Variants in PLEKHA8 observed in about 807,000 individuals in gnomAD.
The protein encoded by PLEKHA8 is pleckstrin homology domain-containing family A member 8.
In PLEKHA8, 36 loss-of-function variants were observed where a neutral mutation model predicts 68.2. The observed-to-expected ratio is 0.53, with a 90% confidence interval of 0.40 to 0.70. PLEKHA8 has a LOEUF of 0.70. Ranked by LOEUF, PLEKHA8 falls within the 30% of genes least tolerant of loss-of-function variation. The pLI, the probability that PLEKHA8 is intolerant of heterozygous loss-of-function variation, is 0.00. For synonymous variants in PLEKHA8, 211 were observed against 216.1 expected (o/e 0.98, Z 0.20); for missense variants, 505 against 615.4 (o/e 0.82, Z 1.90).
At chr7:30,109,741 G>A (rs1796207337) in intron 13 of PLEKHA8, among the ~76,000 whole-genome samples, 1 of 145,978 alleles carries the variant, frequency 6.9e-6, no homozygotes, top group South Asian at 2.1e-4. Flanking sequence ...GTACAATCAC[G>A]CCTCACTGCA....
chr7:30,087,092 A>G (rs1232196116), downstream of PLEKHA8, among the ~76,000 whole-genome samples: 3 of 152,214 alleles, frequency 2.0e-5, no homozygotes, highest in Non-Finnish European at 2.9e-5. Flanking sequence ...GGCCAGTTTT[A>G]GGACCTTTTG....
intron 1 of PLEKHA8, among the ~76,000 whole-genome samples, chr7:30,042,486 A>G (rs961646523): frequency 6.6e-6 from 1 of 152,214 alleles, no homozygotes; most frequent in Non-Finnish European, 1.5e-5. Context: ...ACCAACCAGC[A>G]TCATGGGAGT....
chr7:30,097,499 C>A (rs1206513909), intron 13 of PLEKHA8, among the ~76,000 whole-genome samples: 2 of 152,164 alleles, frequency 1.3e-5, no homozygotes, highest in Non-Finnish European at 2.9e-5. Context: ...TACATAGTCC[C>A]ATATTTCTTG....
At chr7:30,033,417 G>A (rs1790811072) in intron 1 of PLEKHA8, among the ~76,000 whole-genome samples, 1 of 152,094 alleles carries the variant, frequency 6.6e-6, no homozygotes, top group South Asian at 2.1e-4. Context: ...GTGGCTGGCT[G>A]CTTTCCCGTA....
chr7:30,110,390 T>C (rs1392457936), intron 13 of PLEKHA8, among the ~76,000 whole-genome samples: 1 of 152,240 alleles, frequency 6.6e-6, no homozygotes, highest in Non-Finnish European at 1.5e-5. Context: ...ATTGTATAGG[T>C]ATATGGTGTT....
Position 30,055,303 on chromosome 7 carries a change from G to T in PLEKHA8, c.1000G>T (p.Ala334Ser), listed in dbSNP as rs780210136. 3 of 1,614,028 alleles carry T rather than the reference G, an allele frequency of 1.9e-6. No individual in the cohort carries two copies. The Admixed American group carries it at 5.0e-5, about 27-fold the overall frequency. ...LLEDSGIPTE[A>S]FLASCYAVVP... The stretch of plus-strand genomic sequence containing the variant: ...GGAAGACAGTGGCATTCCCACAGAA[G>T]CATTCTTGGCATCATGTTATGCTGT... The change falls in exon 9 of 14, where the codon GCA (alanine) becomes TCA (serine). Residue 334 changes from alanine to serine, a missense_variant. Ala to Ser is a moderately conservative substitution (Grantham distance 99). Transcript: ENST00000449726.
intron 12 of PLEKHA8, chr7:30,072,069 G>T (rs527530907): frequency 6.6e-6 from 1 of 152,286 alleles, no homozygotes; most frequent in African/African-American, 2.4e-5. Flanking sequence ...GTTTTGTTTG[G>T]TTTACATTGA....
At chr7:30,047,095 G>C (rs745616222) in intron 3 of PLEKHA8, among the ~76,000 whole-genome samples, 1 of 152,174 alleles carries the variant, frequency 6.6e-6, no homozygotes, top group Non-Finnish European at 1.5e-5. Flanking sequence ...CTCATGACAG[G>C]TGTGGCAGTT....
intron 1 of PLEKHA8, among the ~76,000 whole-genome samples, chr7:30,037,966 A>T (rs1441859658): frequency 2.6e-5 from 4 of 152,024 alleles, no homozygotes; most frequent in Admixed American, 1.3e-4. Context: ...TAAGGATTTT[A>T]AAAATTCACA....
intron 13 of PLEKHA8, chr7:30,118,213 A>G: frequency 4.8e-6 from 2 of 414,444 alleles, no homozygotes; most frequent in Non-Finnish European, 8.4e-6. Flanking sequence ...TGAGATCTAA[A>G]ATGCCTGAGA....
chr7:30,125,713 T>C (rs960553207), intron 13 of PLEKHA8, among the ~76,000 whole-genome samples: 1 of 152,218 alleles, frequency 6.6e-6, no homozygotes, highest in African/African-American at 2.4e-5. Context: ...GCTAGTTGTT[T>C]TCAACTATGG....
At chr7:30,104,713 CTT>C (rs34669397) in intron 13 of PLEKHA8, among the ~76,000 whole-genome samples, 2 of 102,872 alleles carry the variant, frequency 1.9e-5, no homozygotes, top group Admixed American at 1.1e-4. Context: ...GTCACAACAG[CTT>C]TTTTTTTTTT....
chr7:30,057,964 T>A (rs1793128555), intron 9 of PLEKHA8, among the ~76,000 whole-genome samples: 1 of 152,212 alleles, frequency 6.6e-6, no homozygotes, highest in Admixed American at 6.5e-5. Flanking sequence ...CACCAGCATT[T>A]GGTAGTGTCA....
chr7:30,060,965 G>A lies in PLEKHA8; in HGVS notation c.1098+23G>A, dbSNP rs779344970. The A allele has an allele frequency of 3.7e-6, 6 of 1,607,214 alleles. No individual in the cohort carries two copies. In the South Asian group the frequency reaches 6.7e-5, roughly 18 times the overall value. On this transcript the variant is annotated intron_variant, in intron 10 of 13. Transcript: ENST00000449726. ...AAGGTGAGCATACTGGTTTGTCTCT[G>A]TGGAAACTTTTAAATAAAGGAAAAT...
intron 13 of PLEKHA8, among the ~76,000 whole-genome samples, chr7:30,106,936 G>T (rs187837771): frequency 7.9e-5 from 12 of 152,166 alleles, no homozygotes; most frequent in Admixed American, 7.2e-4. Context: ...TACCTGCCAG[G>T]GTCCTGGAAC....
rs141118243 is a variant in PLEKHA8 at position 30,029,420 on chromosome 7, C to G, written c.40+618C>G. ...CTCAGAAATTACCGTTAAATGAATG[C>G]AAATATTTGCAACTTTCTTGCCGTG... On this transcript the variant is annotated intron_variant, in intron 1 of 13. Coordinates refer to ENST00000449726, the MANE Select transcript of PLEKHA8 (RefSeq NM_001197026.2). Among the ~76,000 whole-genome samples the G allele has an allele frequency of 6.8e-4, 104 of 152,266 alleles. No homozygotes were observed. The East Asian group carries it at 0.019, about 27-fold the overall frequency.
At chr7:30,062,898 G>T (rs1226694477) in intron 12 of PLEKHA8, among the ~76,000 whole-genome samples, 156 bp downstream of exon 12, 7 of 152,056 alleles carry the variant, frequency 4.6e-5, no homozygotes, top group African/African-American at 1.7e-4. Flanking sequence ...TATATGCTTT[G>T]TTTAAAAGTA....
At chr7:30,038,509 A>G (rs1433320262) in intron 1 of PLEKHA8, among the ~76,000 whole-genome samples, 2 of 152,202 alleles carry the variant, frequency 1.3e-5, no homozygotes, top group African/African-American at 4.8e-5. Context: ...CCAAGGGTAA[A>G]GGGAGAGGGG....
chr7:30,066,454 TCC>T (rs1330527859), intron 12 of PLEKHA8, among the ~76,000 whole-genome samples: 1 of 152,190 alleles, frequency 6.6e-6, no homozygotes, highest in Non-Finnish European at 1.5e-5. Context: ...TCACTTGGCT[TCC>T]CCATAATGAT....
Sources: gnomAD v4.1 joint callset for allele counts (sites outside exome capture counted in the v4.1 genomes callset) on GRCh38, gnomAD v4.1.1 for gene constraint, MANE v1.5 for transcripts, NCBI Gene and HGNC (gene_info 2026-07-23, HGNC 2026-07-21) for gene names.